Variants in GPHN observed in about 807,000 individuals in gnomAD.
The protein encoded by GPHN is gephyrin.
A neutral mutation model predicts 95.5 loss-of-function variants in GPHN; 17 were observed. That is an observed-to-expected ratio of 0.18 (90% confidence interval 0.12 to 0.27). GPHN has a LOEUF of 0.27. GPHN is among the 10% of genes least tolerant of loss of function. GPHN has a pLI of 1.00. For missense variants in GPHN, 660 were observed against 978.1 expected (o/e 0.67, Z 4.34); for synonymous variants, 320 against 322.5 (o/e 0.99, Z 0.08).
At chr14:67,483,769 G>A in the GPHN span, among the ~76,000 whole-genome samples, 1 of 152,322 alleles carries the variant, frequency 6.6e-6, no homozygotes, top group South Asian at 2.1e-4. Flanking sequence ...CAGATGGCCC[G>A]GCCCAGCCCT....
At chr14:66,821,986 C>G (rs1212557140) in intron 3 of GPHN, among the ~76,000 whole-genome samples, 4 of 152,126 alleles carry the variant, frequency 2.6e-5, no homozygotes, top group African/African-American at 4.8e-5. Flanking sequence ...GAGTCTTGCT[C>G]TGTTACTCAG....
At chr14:66,834,912 G>A (rs1434281548) in intron 4 of GPHN, among the ~76,000 whole-genome samples, 1 of 141,774 alleles carries the variant, frequency 7.1e-6, no homozygotes, top group African/African-American at 2.6e-5. Flanking sequence ...GTAAGCTATT[G>A]ATTATTGCCA....
intron 2 of GPHN, among the ~76,000 whole-genome samples, chr14:66,765,031 CAT>C (rs746311286): frequency 3.2e-4 from 48 of 152,090 alleles, no homozygotes; most frequent in Admixed American, 2.1e-3. Flanking sequence ...TGAAAAATAA[CAT>C]GTGATGTCAG....
the GPHN span, chr14:67,582,126 C>G: frequency 6.2e-7 from 1 of 1,613,676 alleles, no homozygotes; most frequent in African/African-American, 1.3e-5. This position sits in a 1 kb window ranked among gnomAD's most constrained non-coding sequence, Gnocchi z 5.0. Context: ...TGCTCCTTGC[C>G]TCTCAAACCA....
chr14:67,632,907 G>A, the GPHN span, among the ~76,000 whole-genome samples: 1 of 126,218 alleles, frequency 7.9e-6, no homozygotes, highest in African/African-American at 3.0e-5. Flanking sequence ...TGCAAGCTCC[G>A]CCTCCCGGGT....
chr14:67,649,977 T>TG, the GPHN span: 1 of 152,262 alleles, frequency 6.6e-6, no homozygotes, highest in Non-Finnish European at 1.5e-5. Flanking sequence ...CCCTTCCACT[T>TG]GCTCCAGGCC....
intron 3 of GPHN, among the ~76,000 whole-genome samples, chr14:66,801,986 A>T (rs902976438): frequency 6.6e-6 from 1 of 151,578 alleles, no homozygotes; most frequent in Non-Finnish European, 1.5e-5. Flanking sequence ...GTGTTCACTC[A>T]AAGTCCTGCA....
In GPHN at chr14:66,724,234, T is replaced by G. The variant is rs148749368; in HGVS notation, c.143+43049T>G. Among the ~76,000 whole-genome samples the G allele has an allele frequency of 9.3e-3, 1,397 of 150,716 alleles. 19 individuals are homozygous for G. Among genetic ancestry groups the G allele is most frequent in the African/African-American group, 0.033 (1,337 of 40,966 alleles). On this transcript the variant is annotated intron_variant, in intron 2 of 22. Transcript: ENST00000478722. ...GCTTTTCACCAATATTTGGGGAGGGTTTTTTTTTAAGATTTTAATTGCCCT... is the reference window on the plus strand; with the variant it reads ...GCTTTTCACCAATATTTGGGGAGGGGTTTTTTTTAAGATTTTAATTGCCCT...
intron 8 of GPHN, among the ~76,000 whole-genome samples, chr14:66,940,114 A>C (rs149351390): frequency 1.4e-3 from 211 of 152,174 alleles, no homozygotes; most frequent in African/African-American, 4.9e-3. Context: ...TAAGCCAATC[A>C]GTTTAAGGTT....
the GPHN span, among the ~76,000 whole-genome samples, chr14:67,296,743 T>G: frequency 9.2e-5 from 14 of 152,240 alleles, no homozygotes; most frequent in South Asian, 2.7e-3. Context: ...AACCATATGA[T>G]CTTTGTTTTG....
intron 1 of GPHN, among the ~76,000 whole-genome samples, chr14:66,673,176 T>C (rs1046109387): frequency 6.6e-6 from 1 of 152,202 alleles, no homozygotes; most frequent in African/African-American, 2.4e-5. Context: ...CACTGCAACC[T>C]CCGCCTCCTG....
chr14:67,192,909 T>C, the GPHN span, among the ~76,000 whole-genome samples: 1 of 146,566 alleles, frequency 6.8e-6, no homozygotes, highest in Admixed American at 6.9e-5. Context: ...TCTAGATATA[T>C]ATAGATATAT....
the GPHN span, chr14:67,577,167 T>G: frequency 1.5e-6 from 1 of 661,016 alleles, no homozygotes; most frequent in Non-Finnish European, 2.7e-6. Flanking sequence ...CTATGGATGA[T>G]AAACCCAGCA....
intron 9 of GPHN, among the ~76,000 whole-genome samples, chr14:66,983,028 G>A (rs936595292): frequency 4.6e-5 from 7 of 152,138 alleles, no homozygotes; most frequent in Non-Finnish European, 7.4e-5. Flanking sequence ...GAGGCAGGCG[G>A]ATCACATAAG....
At chr14:67,103,627 T>G (rs1699517002) in intron 13 of GPHN, among the ~76,000 whole-genome samples, 1 of 151,540 alleles carries the variant, frequency 6.6e-6, no homozygotes, top group Admixed American at 6.6e-5. Context: ...CTAAATTTTT[T>G]TTGTAGTTAT....
intron 11 of GPHN, among the ~76,000 whole-genome samples, chr14:67,086,437 G>A (rs1056305730): frequency 1.3e-5 from 2 of 152,010 alleles, no homozygotes; most frequent in Admixed American, 6.6e-5. Flanking sequence ...AGATCACGAG[G>A]TCAGGAGATC....
intron 1 of GPHN, among the ~76,000 whole-genome samples, chr14:66,633,015 A>G (rs1422369767): frequency 6.6e-6 from 1 of 152,142 alleles, no homozygotes; most frequent in Non-Finnish European, 1.5e-5. Context: ...CTTCTTCACA[A>G]CGTCATTCGA....
chr14:67,586,486 G>A, the GPHN span: 5 of 1,096,858 alleles, frequency 4.6e-6, no homozygotes, highest in African/African-American at 8.0e-5. Flanking sequence ...GGGTTCTGCT[G>A]ACCCAACATT....
At chr14:67,106,499 G>C (rs1337179445) in intron 13 of GPHN, among the ~76,000 whole-genome samples, 1 of 151,844 alleles carries the variant, frequency 6.6e-6, no homozygotes, top group African/African-American at 2.4e-5. Context: ...TCATTCTTCT[G>C]TTTCTCTCTG....
Sources: allele counts gnomAD v4.1 joint callset (sites outside exome capture counted in the v4.1 genomes callset), GRCh38; gene constraint gnomAD v4.1.1; non-coding constraint Gnocchi (gnomAD v3.1); transcripts MANE v1.5; gene names NCBI Gene and HGNC (gene_info 2026-07-23, HGNC 2026-07-21).